ATRNL1: variants seen among roughly 807,000 people sequenced by gnomAD.
ATRNL1 encodes attractin-like protein 1.
A neutral mutation model predicts 182.7 loss-of-function variants in ATRNL1; 95 were observed. The observed-to-expected ratio is 0.52, with a 90% CI of 0.44 to 0.62. ATRNL1 has a LOEUF of 0.62. Among genes scored for constraint, ATRNL1 ranks in the 20% least tolerant of loss-of-function variants. The pLI is 0.00. For missense variants in ATRNL1, 1,471 were observed against 1,679.5 expected (o/e 0.88, Z 2.17); for synonymous variants, 576 against 568.3 (o/e 1.01, Z -0.19).
At chr10:115,685,849 A>G (rs1305771600) in intron 26 of ATRNL1, among the ~76,000 whole-genome samples, 1 of 151,744 alleles carries the variant, frequency 6.6e-6, no homozygotes, top group Admixed American at 6.6e-5. Flanking sequence ...TTTAATTATC[A>G]AAATTTTTCT....
At chr10:115,525,475 A>G (rs1851164455) in intron 25 of ATRNL1, among the ~76,000 whole-genome samples, 1 of 152,206 alleles carries the variant, frequency 6.6e-6, no homozygotes, top group South Asian at 2.1e-4. Flanking sequence ...GAGGAGAGCC[A>G]GCTCTAAGCC....
intron 9 of ATRNL1, among the ~76,000 whole-genome samples, chr10:115,232,358 T>C (rs1335293075): frequency 6.6e-6 from 1 of 152,210 alleles, no homozygotes; most frequent in Non-Finnish European, 1.5e-5. Flanking sequence ...GCTAATGAGG[T>C]ATAACATCTT....
At chr10:115,250,489 T>C (rs1423772252) in intron 10 of ATRNL1, among the ~76,000 whole-genome samples, 1 of 152,182 alleles carries the variant, frequency 6.6e-6, no homozygotes, top group Non-Finnish European at 1.5e-5. Context: ...CAGAGTTGCA[T>C]GCAGGGTAGA....
At chr10:115,385,396 T>G (rs1392581253) in intron 19 of ATRNL1, among the ~76,000 whole-genome samples, 2 of 152,100 alleles carry the variant, frequency 1.3e-5, no homozygotes, top group Non-Finnish European at 2.9e-5. Context: ...TTGTCCACTT[T>G]TAAAAACTGG....
chr10:115,681,346 C>T (rs1946040524), intron 26 of ATRNL1, among the ~76,000 whole-genome samples: 1 of 152,046 alleles, frequency 6.6e-6, no homozygotes, highest in African/African-American at 2.4e-5. Context: ...TGAGTTATCA[C>T]ATAAAGACTT....
At chr10:115,245,689 A>G (rs1850607112) in intron 10 of ATRNL1, among the ~76,000 whole-genome samples, 1 of 152,060 alleles carries the variant, frequency 6.6e-6, no homozygotes, top group African/African-American at 2.4e-5. Context: ...TGGAATACTC[A>G]TGCAAAGTTA....
At chr10:115,106,064 T>C (rs1273215078) in intron 1 of ATRNL1, among the ~76,000 whole-genome samples, 3 of 152,084 alleles carry the variant, frequency 2.0e-5, no homozygotes, top group African/African-American at 7.2e-5. Context: ...CGACAGCCCA[T>C]GAAAGCAGCC....
chr10:115,533,053 G>A (rs1311371095), intron 25 of ATRNL1, among the ~76,000 whole-genome samples: 10 of 152,112 alleles, frequency 6.6e-5, no homozygotes, highest in Admixed American at 1.3e-4. Flanking sequence ...AAGGATATTG[G>A]TCTAAAATTC....
At chr10:115,170,665 T>C (rs1013086336) in intron 7 of ATRNL1, among the ~76,000 whole-genome samples, 1 of 152,000 alleles carries the variant, frequency 6.6e-6, no homozygotes, top group African/African-American at 2.4e-5. Flanking sequence ...TTCTTTGTTA[T>C]AGGACTACCT....
intron 28 of ATRNL1, among the ~76,000 whole-genome samples, chr10:115,894,260 C>G (rs1952151452): frequency 6.6e-6 from 1 of 152,196 alleles, no homozygotes; most frequent in Non-Finnish European, 1.5e-5. Flanking sequence ...ATAGGACATG[C>G]AATTAATGAC....
At chr10:115,106,185 C>A (rs564996139) in intron 1 of ATRNL1, among the ~76,000 whole-genome samples, 5 of 152,302 alleles carry the variant, frequency 3.3e-5, no homozygotes, top group African/African-American at 1.2e-4. Context: ...CAAAGGAGAT[C>A]ATTTTGGAGC....
At chr10:115,111,650 A>G (rs1380180542) in intron 1 of ATRNL1, among the ~76,000 whole-genome samples, 3 of 152,120 alleles carry the variant, frequency 2.0e-5, no homozygotes, top group South Asian at 2.1e-4. Context: ...TTCATGAGGG[A>G]TCTGCCTCCA....
intron 20 of ATRNL1, among the ~76,000 whole-genome samples, chr10:115,422,331 TAAATC>T (rs1303092992): frequency 6.6e-6 from 1 of 151,938 alleles, no homozygotes. Flanking sequence ...ATATGGAACT[TAAATC>T]AACAAGCAAA....
intron 19 of ATRNL1, among the ~76,000 whole-genome samples, chr10:115,375,537 GT>G (rs1461237795): frequency 6.6e-6 from 1 of 151,784 alleles, no homozygotes; most frequent in East Asian, 1.9e-4. Context: ...TAGTTCTTTT[GT>G]TTCTTTCCTC....
At chr10:115,697,011 C>T (rs1279545001) in intron 26 of ATRNL1, among the ~76,000 whole-genome samples, 1 of 152,092 alleles carries the variant, frequency 6.6e-6, no homozygotes, top group African/African-American at 2.4e-5. Flanking sequence ...ATCCAATCAC[C>T]TCCCACCTGG....
chr10:115,319,803 T>A (rs1197646376), intron 18 of ATRNL1, among the ~76,000 whole-genome samples: 1 of 152,022 alleles, frequency 6.6e-6, no homozygotes, highest in African/African-American at 2.4e-5. Flanking sequence ...ATGAGATGGG[T>A]CTCCTGAATA....
chr10:115,909,939 T>G (rs1397636389), intron 28 of ATRNL1, among the ~76,000 whole-genome samples: 17 of 152,114 alleles, frequency 1.1e-4, no homozygotes, highest in African/African-American at 4.1e-4. Context: ...TCAATGGGCA[T>G]TAGAAGTAAC....
At chr10:115,532,506 C>T (rs1486090270) in intron 25 of ATRNL1, among the ~76,000 whole-genome samples, 2 of 152,066 alleles carry the variant, frequency 1.3e-5, no homozygotes, top group African/African-American at 2.4e-5. Context: ...AGTTGCTTAT[C>T]AGTTTAAGGA....
intron 26 of ATRNL1, among the ~76,000 whole-genome samples, chr10:115,636,871 T>C (rs150882884): frequency 2.0e-5 from 3 of 152,256 alleles, no homozygotes; most frequent in African/African-American, 7.2e-5. Context: ...TATTATTTGC[T>C]AATAAAAAGG....
Sources: allele counts gnomAD v4.1 joint callset (sites outside exome capture counted in the v4.1 genomes callset), GRCh38; gene constraint gnomAD v4.1.1; transcripts MANE v1.5; gene names NCBI Gene and HGNC (gene_info 2026-07-23, HGNC 2026-07-21).